The following ATF7IP2 variants were observed in gnomAD, a reference collection of about 807,000 sequenced individuals.
The protein encoded by ATF7IP2 is activating transcription factor 7 interacting protein 2, also known as activating transcription factor 7-interacting protein 2.
A neutral mutation model predicts 64.2 loss-of-function variants in ATF7IP2; 42 were observed. That is an observed-to-expected ratio of 0.65 (90% CI 0.51 to 0.85). The LOEUF (loss-of-function observed/expected upper bound fraction) is 0.85. ATF7IP2 is among the 40% of genes least tolerant of loss of function. The pLI, the probability that ATF7IP2 is intolerant of heterozygous loss-of-function variation, is 0.00. For missense variants in ATF7IP2, 933 were observed against 784.2 expected (o/e 1.19, Z -2.27); for synonymous variants, 308 against 272.8 (o/e 1.13, Z -1.27).
chr16:10,431,954 G>C (rs1036922437), intron 5 of ATF7IP2, among the ~76,000 whole-genome samples: 7 of 150,684 alleles, frequency 4.6e-5, no homozygotes, highest in Non-Finnish European at 1.0e-4. Context: ...CTCCTGAGTA[G>C]GTGGGATTAC....
chr16:10,479,950 T>G (rs2142107939), intron 12 of ATF7IP2, among the ~76,000 whole-genome samples: 1 of 144,004 alleles, frequency 6.9e-6, no homozygotes, highest in African/African-American at 2.5e-5. Flanking sequence ...GATTTAGAAC[T>G]GGAAATACTT....
chr16:10,434,680 G>A (rs2048361198), intron 6 of ATF7IP2, among the ~76,000 whole-genome samples: 1 of 152,214 alleles, frequency 6.6e-6, no homozygotes. Flanking sequence ...CAGGGAAAGG[G>A]TAGAAGTATG....
intron 1 of ATF7IP2, chr16:10,386,532 A>G (rs1001181008): frequency 3.3e-5 from 5 of 152,164 alleles, no homozygotes; most frequent in African/African-American, 7.2e-5. Context: ...TTAGTGTCCC[A>G]TTGCCAAATT....
intron 3 of ATF7IP2, among the ~76,000 whole-genome samples, chr16:10,424,706 A>G (rs973334876): frequency 1.1e-4 from 17 of 152,216 alleles, no homozygotes; most frequent in African/African-American, 3.9e-4. Flanking sequence ...TCCAAAGAAG[A>G]TGCACAAGCC....
intron 8 of ATF7IP2, among the ~76,000 whole-genome samples, chr16:10,450,530 T>C (rs933151572): frequency 6.6e-6 from 1 of 152,012 alleles, no homozygotes; most frequent in Non-Finnish European, 1.5e-5. Context: ...TTTATGATAG[T>C]TCTTCTTGTT....
In ATF7IP2 at chr16:10,392,867, G is replaced by A. The variant is rs1370460688; in HGVS notation, c.-242+6745G>A. Among the ~76,000 whole-genome samples the A allele has an allele frequency of 2.0e-5, 3 of 150,862 alleles. No individual in the cohort carries two copies. The East Asian group carries it at 5.9e-4, about 29-fold the overall frequency. On this transcript the variant is annotated intron_variant, in intron 1 of 13. Coordinates refer to ENST00000562102, the MANE Select transcript of ATF7IP2 (RefSeq NM_001393719.1). The stretch of plus-strand genomic sequence containing the variant: ...GCTGGGTGTGATGGGCGCCCCTGAT[G>A]TCCCTGCTACTTGAAGGGTCAGGTT...
intron 6 of ATF7IP2, among the ~76,000 whole-genome samples, chr16:10,435,854 C>T (rs769546219): frequency 6.6e-6 from 1 of 152,232 alleles, no homozygotes; most frequent in East Asian, 1.9e-4. Flanking sequence ...CGATTTTTAA[C>T]AACCATCCCA....
chr16:10,448,372 A>G (rs2048879459), intron 8 of ATF7IP2: 1 of 152,158 alleles, frequency 6.6e-6, no homozygotes, highest in Admixed American at 6.5e-5. Flanking sequence ...CAGTATGGCC[A>G]TTTTCACAGT....
chr16:10,453,718 A>G (rs1257730653), intron 8 of ATF7IP2, among the ~76,000 whole-genome samples: 2 of 152,178 alleles, frequency 1.3e-5, no homozygotes, highest in Non-Finnish European at 2.9e-5. Context: ...CCTGGGTTCA[A>G]GCAATTCTCC....
chr16:10,397,921 C>T (rs2047450498), intron 1 of ATF7IP2, among the ~76,000 whole-genome samples: 1 of 150,776 alleles, frequency 6.6e-6, no homozygotes, highest in Non-Finnish European at 1.5e-5. Context: ...ATACAAATGG[C>T]TAAAGTGCAC....
At chr16:10,409,158 T>A (rs955230926) in intron 1 of ATF7IP2, among the ~76,000 whole-genome samples, 1 of 152,104 alleles carries the variant, frequency 6.6e-6, no homozygotes, top group African/African-American at 2.4e-5. Context: ...TTGACCTGAT[T>A]GGCTATTTGT....
intron 12 of ATF7IP2, among the ~76,000 whole-genome samples, chr16:10,479,958 CTT>C (rs201158427): frequency 5.0e-5 from 4 of 80,576 alleles, no homozygotes; most frequent in Non-Finnish European, 7.3e-5. Flanking sequence ...ACTGGAAATA[CTT>C]TTTTTTTTTT....
At position 10,470,853 on chromosome 16, in the gene ATF7IP2, A is replaced by ATG. The variant is rs34438899; in HGVS notation, c.1353-1238_1353-1237dup. Among the ~76,000 whole-genome samples the ATG allele has an allele frequency of 3.0e-3, 324 of 109,502 alleles. 1 individual carries two copies. The highest frequency in any genetic ancestry group is 0.014 in the South Asian group (41 of 2,928). 71.8% of individuals were successfully genotyped at this position (109,502 alleles called of 152,430 possible). A position where few individuals can be genotyped will look rare whatever the true frequency, so the allele number is the denominator to read the frequency against. On this transcript the variant is annotated intron_variant, in intron 9 of 13. Transcript: ENST00000562102. ...TATATATATATGTGTGTGTATATAT[A>ATG]TGTGTGTGTGTGTGTGTGTGAATAT...
intron 2 of ATF7IP2, among the ~76,000 whole-genome samples, chr16:10,418,182 A>G (rs1212662882): frequency 1.3e-5 from 2 of 152,244 alleles, no homozygotes; most frequent in Non-Finnish European, 2.9e-5. Context: ...AGTTATCTGC[A>G]GCAGGTATAT....
Position 10,457,447 on chromosome 16 carries a change from A to G in ATF7IP2, c.1270A>G (p.Asn424Asp), listed in dbSNP as rs767001897. 6.2e-7 allele frequency: 1 copy of G among 1,607,340 alleles called. No homozygotes were observed. The highest frequency in any genetic ancestry group is 8.5e-7 in the Non-Finnish European group (1 of 1,177,152). The change falls in exon 9 of 14, where the codon AAT (asparagine) becomes GAT (aspartate). Residue 424 changes from asparagine to aspartate, a missense_variant. By Grantham distance (23) the Asn-to-Asp change is conservative (BLOSUM62 1). Coordinates refer to ENST00000562102, the MANE Select transcript of ATF7IP2 (RefSeq NM_001393719.1). ...VNSPIEKSSV[N>D]YEPSNPSEKG... Reference sequence around the variant, plus strand: ...TAGTCCAATTGAAAAGTCTTCTGTGAATTATGAGCCTTCTAACCCTTCCGA... The same window carrying G: ...TAGTCCAATTGAAAAGTCTTCTGTGGATTATGAGCCTTCTAACCCTTCCGA...
intron 8 of ATF7IP2, chr16:10,447,801 G>A (rs913937522): frequency 6.6e-6 from 1 of 152,252 alleles, no homozygotes; most frequent in Non-Finnish European, 1.5e-5. Context: ...TTAAAGGCAG[G>A]AAAGATAACT....
chr16:10,482,301 A>T lies in ATF7IP2; in HGVS notation c.*52A>T. ...TTTTTTTTCATATTTGTTTGTTTGC[A>T]ATGTTACTGTAATACTATTTGCCAT... On this transcript the variant is annotated 3_prime_UTR_variant, in exon 14 of 14. Transcript: ENST00000562102. The T allele has an allele frequency of 7.4e-7, 1 of 1,356,200 alleles. No homozygotes were observed. 84.0% of individuals were successfully genotyped at this position (1,356,200 alleles called of 1,614,324 possible).
chr16:10,438,294 T>G, intron 7 of ATF7IP2, 59 bp downstream of exon 7: 1 of 1,521,974 alleles, frequency 6.6e-7, no homozygotes, highest in South Asian at 1.3e-5. Flanking sequence ...GTTGCTCTGT[T>G]GCTCAGGCTG....
At chr16:10,392,816 C>T (rs544452122) in intron 1 of ATF7IP2, among the ~76,000 whole-genome samples, 1 of 150,012 alleles carries the variant, frequency 6.7e-6, no homozygotes, top group Non-Finnish European at 1.5e-5. Flanking sequence ...TAGTGAGACT[C>T]TGTCTTTAAA....
Sources: allele counts gnomAD v4.1 joint callset (sites outside exome capture counted in the v4.1 genomes callset), GRCh38; gene constraint gnomAD v4.1.1; transcripts MANE v1.5; gene names NCBI Gene and HGNC (gene_info 2026-07-23, HGNC 2026-07-21).